The following RNF11 variants were observed in gnomAD, a reference collection of about 807,000 sequenced individuals.
RNF11 encodes ring finger protein 11.
Under a neutral mutation model 15.8 loss-of-function variants are expected in RNF11, and 4 were observed. The observed-to-expected ratio is 0.25, with a 90% CI of 0.12 to 0.58. RNF11 has a LOEUF of 0.58. Among genes scored for constraint, RNF11 ranks in the 20% least tolerant of loss-of-function variants. RNF11 has a pLI of 0.91. For synonymous variants in RNF11, 68 were observed against 72.3 expected (o/e 0.94, Z 0.30); for missense variants, 139 against 194.4 (o/e 0.71, Z 1.70).
intron 1 of RNF11, among the ~76,000 whole-genome samples, chr1:51,247,221 T>TA (rs1395370381): frequency 6.6e-6 from 1 of 151,862 alleles, no homozygotes; most frequent in African/African-American, 2.4e-5. Context: ...TTTTTTTTTT[T>TA]AGAGACGGGG....
chr1:51,240,333 C>G (rs917290291), intron 1 of RNF11, among the ~76,000 whole-genome samples: 1 of 152,168 alleles, frequency 6.6e-6, no homozygotes, highest in African/African-American at 2.4e-5. Context: ...TCATGGCTGA[C>G]TGACTCCCTT....
rs368142477 is a variant in RNF11 at position 51,246,368 on chromosome 1, A to G, written c.123+9489A>G. ...GTGGGAAGGATTGCTTGAGCCCAGGAGTTCGAAACCAGCCTGGGCAAAATA... is the reference window on the plus strand; with the variant it reads ...GTGGGAAGGATTGCTTGAGCCCAGGGGTTCGAAACCAGCCTGGGCAAAATA... On this transcript the variant is annotated intron_variant, in intron 1 of 2. Transcript: ENST00000242719. Among the ~76,000 whole-genome samples the G allele has an allele frequency of 5.8e-4, 88 of 152,248 alleles. 1 individual carries two copies. In the East Asian group the frequency reaches 0.013, roughly 23 times the overall value.
At chr1:51,269,782 G>A in intron 1 of RNF11, 174 bp from the exon 2 acceptor site, 1 of 617,212 alleles carries the variant, frequency 1.6e-6, no homozygotes. Context: ...GTGTGTGTAT[G>A]TTTTATTCTA....
chr1:51,259,626 C>T (rs1459933087), intron 1 of RNF11, among the ~76,000 whole-genome samples: 2 of 152,144 alleles, frequency 1.3e-5, no homozygotes, highest in East Asian at 1.9e-4. Flanking sequence ...TCTAAAATTT[C>T]CTAGACTACC....
At chr1:51,255,034 G>T (rs922183884) in intron 1 of RNF11, among the ~76,000 whole-genome samples, 26 of 152,136 alleles carry the variant, frequency 1.7e-4, no homozygotes, top group African/African-American at 5.6e-4. Flanking sequence ...TTGGTGAGGG[G>T]AGTGTTTACA....
At chr1:51,237,621 G>T (rs1294764226) in intron 1 of RNF11, among the ~76,000 whole-genome samples, 1 of 151,910 alleles carries the variant, frequency 6.6e-6, no homozygotes, top group Non-Finnish European at 1.5e-5. Flanking sequence ...TTGTATCAAA[G>T]ACTCTCCTAA....
rs1646803851 is a variant in RNF11, at chr1:51,236,579, AC to A, written c.-174del. 12 of 461,392 alleles carry A rather than the reference AC, an allele frequency of 2.6e-5. No individual in the cohort carries two copies. The highest frequency in any genetic ancestry group is 3.2e-5 in the Non-Finnish European group (10 of 309,562). 28.6% of individuals were successfully genotyped at this position (461,392 alleles called of 1,614,324 possible). On this transcript the variant is annotated 5_prime_UTR_variant, in exon 1 of 3. Transcript: ENST00000242719. Reference sequence around the variant, plus strand: ...CCCGCGGCCCAGCCTTGATCCCCCAACCCCGGGGGCTGGCATGAGCGGCCCC... The same window carrying A: ...CCCGCGGCCCAGCCTTGATCCCCCAACCCGGGGGCTGGCATGAGCGGCCCC...
rs1391226243 is a variant in RNF11 at position 51,272,601 on chromosome 1, TAG to T, written c.*1282_*1283del. On this transcript the variant is annotated 3_prime_UTR_variant, in exon 3 of 3. Coordinates refer to ENST00000242719, the MANE Select transcript of RNF11 (RefSeq NM_014372.5). ...TTAAATCTCTAAGCTTCTGAAGTGT[TAG>T]AGGTAGAGATGGTCTAGTAAAGATG... 1 of 152,538 alleles carries T rather than the reference TAG, an allele frequency of 6.6e-6. No individual in the cohort carries two copies. The highest frequency in any genetic ancestry group is 2.4e-5 in the African/African-American group (1 of 41,462). The allele number at this position is 152,538 out of a possible 1,614,324, so 9.4% of individuals were successfully genotyped here.
At chr1:51,237,271 C>G (rs969651422) in intron 1 of RNF11, among the ~76,000 whole-genome samples, 1 of 151,890 alleles carries the variant, frequency 6.6e-6, no homozygotes, top group Non-Finnish European at 1.5e-5. Flanking sequence ...CACCACCCCC[C>G]CGCCCCATTT....
intron 1 of RNF11, among the ~76,000 whole-genome samples, chr1:51,237,462 ATG>A (rs1260680155): frequency 6.8e-6 from 1 of 146,718 alleles, no homozygotes; most frequent in Non-Finnish European, 1.5e-5. Flanking sequence ...ATATATATAT[ATG>A]TATATAAATT....
intron 1 of RNF11, among the ~76,000 whole-genome samples, chr1:51,240,636 G>A (rs1200445173): frequency 1.3e-5 from 2 of 152,142 alleles, no homozygotes; most frequent in Non-Finnish European, 2.9e-5. Flanking sequence ...CGAATGAATA[G>A]ATTTCTTTTA....
chr1:51,256,863 G>A (rs1040178496), intron 1 of RNF11, among the ~76,000 whole-genome samples: 4 of 152,010 alleles, frequency 2.6e-5, no homozygotes, highest in Non-Finnish European at 5.9e-5. Context: ...TAGTAGAGAC[G>A]GGGTTTCACC....
intron 1 of RNF11, among the ~76,000 whole-genome samples, chr1:51,260,635 G>A (rs763921453): frequency 2.6e-5 from 4 of 152,114 alleles, no homozygotes; most frequent in Non-Finnish European, 5.9e-5. Context: ...TGTGTTAGTG[G>A]GTGAAAGCTG....
At chr1:51,266,893 C>A (rs1646957179) in intron 1 of RNF11, among the ~76,000 whole-genome samples, 1 of 152,208 alleles carries the variant, frequency 6.6e-6, no homozygotes, top group Admixed American at 6.5e-5. Context: ...GTGCCAGATA[C>A]CGTGCTGAGT....
At chr1:51,256,930 T>C (rs767184886) in intron 1 of RNF11, among the ~76,000 whole-genome samples, 3 of 152,206 alleles carry the variant, frequency 2.0e-5, no homozygotes, top group Non-Finnish European at 4.4e-5. Context: ...CGCCTTGGCT[T>C]TCCAAAGTGC....
intron 1 of RNF11, among the ~76,000 whole-genome samples, chr1:51,244,129 A>G (rs945598582): frequency 6.6e-6 from 1 of 152,240 alleles, no homozygotes; most frequent in African/African-American, 2.4e-5. Flanking sequence ...ACAGTGTCAC[A>G]TCTGCTCTTT....
chr1:51,250,137 A>G (rs1646869909), intron 1 of RNF11, among the ~76,000 whole-genome samples: 1 of 152,034 alleles, frequency 6.6e-6, no homozygotes, highest in Admixed American at 6.6e-5. Flanking sequence ...GTCAATCTTT[A>G]TTTTTGAAAC....
At chr1:51,254,871 C>CAGCCT (rs1482174255) in intron 1 of RNF11, among the ~76,000 whole-genome samples, 2 of 152,208 alleles carry the variant, frequency 1.3e-5, no homozygotes, top group African/African-American at 4.8e-5. Flanking sequence ...CATGAGCACC[C>CAGCCT]AGCCTAGTTC....
At position 51,269,927 on chromosome 1, in the gene RNF11, T is replaced by C. The variant is rs1006329462; in HGVS notation, c.124-29T>C. 3.8e-6 allele frequency: 6 copies of C among 1,585,056 alleles called. No homozygotes were observed. In the Admixed American group the frequency reaches 6.9e-5, roughly 18 times the overall value. On this transcript the variant is annotated intron_variant, in intron 1 of 2. Transcript: ENST00000242719. ...CCCTCGAAAGGTTTTTAAAAAATAA[T>C]CTTTTTCCTCTATATTTTAATATTT...
Sources: allele counts gnomAD v4.1 joint callset (sites outside exome capture counted in the v4.1 genomes callset), GRCh38; gene constraint gnomAD v4.1.1; transcripts MANE v1.5; gene names NCBI Gene and HGNC (gene_info 2026-07-23, HGNC 2026-07-21).